Variants in MYO1E observed in about 807,000 individuals in gnomAD.
MYO1E encodes the protein unconventional myosin-Ie.
A neutral mutation model predicts 151.1 loss-of-function variants in MYO1E; 68 were observed. The ratio of observed to expected loss-of-function variants is 0.45; its 90% CI spans 0.37 to 0.55. The LOEUF (loss-of-function observed/expected upper bound fraction) is 0.55. MYO1E is among the 20% of genes least tolerant of loss of function. MYO1E has a pLI of 0.00. For synonymous variants in MYO1E, 601 were observed against 501.7 expected (o/e 1.20, Z -2.64); for missense variants, 1,363 against 1,389.3 (o/e 0.98, Z 0.30).
chr15:59,274,097 G>T (rs1002604490), intron 1 of MYO1E, among the ~76,000 whole-genome samples: 1 of 151,930 alleles, frequency 6.6e-6, no homozygotes, highest in Admixed American at 6.6e-5. Context: ...TTTGCTAAGA[G>T]CAAGTTCTAA....
chr15:59,246,714 A>T (rs2080132306), intron 4 of MYO1E, among the ~76,000 whole-genome samples: 1 of 152,178 alleles, frequency 6.6e-6, no homozygotes, highest in South Asian at 2.1e-4. Context: ...AGAACCATGA[A>T]AAGAAGGGGA....
intron 1 of MYO1E, among the ~76,000 whole-genome samples, chr15:59,351,816 G>C (rs2140435223): frequency 6.6e-6 from 1 of 152,226 alleles, no homozygotes; most frequent in Middle Eastern, 3.4e-3. Flanking sequence ...AGATGCCTGG[G>C]GGAATTCTAA....
At chr15:59,170,427 A>G (rs1360206712) in intron 22 of MYO1E, among the ~76,000 whole-genome samples, 1 of 152,156 alleles carries the variant, frequency 6.6e-6, no homozygotes, top group African/African-American at 2.4e-5. Context: ...TGCAATGACA[A>G]ACAAAGCAGG....
chr15:59,187,240 C>T (rs1180581340), intron 18 of MYO1E, among the ~76,000 whole-genome samples: 1 of 152,082 alleles, frequency 6.6e-6, no homozygotes, highest in Non-Finnish European at 1.5e-5. Flanking sequence ...TATTACAATG[C>T]AATGATAAAA....
chr15:59,236,495 C>G (rs1359139633), intron 5 of MYO1E, 90 bp downstream of exon 5: 5 of 1,110,110 alleles, frequency 4.5e-6, no homozygotes, highest in Middle Eastern at 2.0e-4. Context: ...AGTGTCTTTT[C>G]TGTGGAAGAA....
chr15:59,202,227 C>A (rs1354183810), intron 16 of MYO1E, 99 bp downstream of exon 16: 9 of 1,008,280 alleles, frequency 8.9e-6, no homozygotes, highest in Non-Finnish European at 1.4e-5. Context: ...CACCTCCTCA[C>A]GTCTCACTGA....
Position 59,182,365 on chromosome 15 carries a change from A to C in MYO1E, c.1905-3828T>G, listed in dbSNP as rs533409884. Among the ~76,000 whole-genome samples, 58 of 152,228 alleles carry C rather than the reference A, an allele frequency of 3.8e-4. No individual in the cohort carries two copies. In the South Asian group the frequency reaches 9.1e-3, roughly 24 times the overall value. ...GTAGCTGGGACTACAGGCACCCGGC[A>C]CCATGCCTGGCTAATTTTTGTATTT... On this transcript the variant is annotated intron_variant, in intron 18 of 27. Coordinates refer to ENST00000288235, the MANE Select transcript of MYO1E (RefSeq NM_004998.4).
chr15:59,191,558 G>A (rs1360134199), intron 17 of MYO1E, among the ~76,000 whole-genome samples: 4 of 151,926 alleles, frequency 2.6e-5, no homozygotes, highest in Non-Finnish European at 4.4e-5. Flanking sequence ...CCAAGCTTTC[G>A]AGGCAGGGAA....
intron 4 of MYO1E, among the ~76,000 whole-genome samples, chr15:59,252,918 G>C (rs1232443822): frequency 6.6e-6 from 1 of 152,078 alleles, no homozygotes; most frequent in African/African-American, 2.4e-5. Flanking sequence ...AAAAAGAAAA[G>C]AACCAAGGCC....
At chr15:59,327,325 CTTT>C (rs67680356) in intron 1 of MYO1E, among the ~76,000 whole-genome samples, 1 of 146,708 alleles carries the variant, frequency 6.8e-6, no homozygotes, top group Non-Finnish European at 1.5e-5. Context: ...GTACATTTTT[CTTT>C]TTTTTTTTTT....
intron 1 of MYO1E, among the ~76,000 whole-genome samples, chr15:59,284,648 T>G (rs1410052148): frequency 2.0e-5 from 3 of 151,290 alleles, no homozygotes; most frequent in African/African-American, 7.3e-5. Context: ...AAAATTTTTT[T>G]TTTTTTTGTA....
chr15:59,214,685 T>C lies in MYO1E; in HGVS notation c.1143A>G (p.Glu381=). Residue 381 remains glutamate (E), a synonymous_variant, in exon 11 of 28, where the codon GAA becomes GAG. Transcript: ENST00000288235. The part of the protein sequence containing the change: ...INKAMEKDHE[E]YNIGVLDIYG... ...AGATGTCTAGGACGCCAATGTTGTA[T>C]TCTTCATGGTCTTTCTCCATGGCTT... 2 of 1,613,958 alleles carry C rather than the reference T, an allele frequency of 1.2e-6. No individual in the cohort carries two copies. Among genetic ancestry groups the C allele is most frequent in the Non-Finnish European group, 1.7e-6 (2 of 1,179,806 alleles).
chr15:59,174,636 G>A lies in MYO1E; in HGVS notation c.2050-396C>T, dbSNP rs1320823515. Among the ~76,000 whole-genome samples, 7 of 152,048 alleles carry A rather than the reference G, an allele frequency of 4.6e-5. No homozygotes were observed. In the South Asian group the frequency reaches 8.3e-4, roughly 18 times the overall value. On this transcript the variant is annotated intron_variant, in intron 19 of 27. Coordinates refer to ENST00000288235, the MANE Select transcript of MYO1E (RefSeq NM_004998.4). ...GTGGAGGCTGTTGCTGTTGTTTGGCGCGGCACTTCTGCATGCAGCCTCTAA... is the reference window on the plus strand; with the variant it reads ...GTGGAGGCTGTTGCTGTTGTTTGGCACGGCACTTCTGCATGCAGCCTCTAA...
In MYO1E at chr15:59,309,946, G is replaced by C; in HGVS notation, c.4-37497C>G. ...CTTCCTCCCACTACATCAGATCTTA[G>C]TGGTTCTCCTTCAGACCCACCCCTC... On this transcript the variant is annotated intron_variant, in intron 1 of 27. Transcript: ENST00000288235. 1.3e-5 allele frequency among the ~76,000 whole-genome samples: 2 copies of C among 152,090 alleles called. 1 individual carries two copies. Among genetic ancestry groups the C allele is most frequent in the Non-Finnish European group, 2.9e-5 (2 of 68,006 alleles).
At chr15:59,267,548 A>C (rs1435973812) in intron 2 of MYO1E, among the ~76,000 whole-genome samples, 1 of 152,122 alleles carries the variant, frequency 6.6e-6, no homozygotes, top group Non-Finnish European at 1.5e-5. Flanking sequence ...CAAGGGCCAG[A>C]CCTCACTCGG....
At chr15:59,255,082 T>A (rs2080186334) in intron 4 of MYO1E, among the ~76,000 whole-genome samples, 1 of 152,088 alleles carries the variant, frequency 6.6e-6, no homozygotes, top group Non-Finnish European at 1.5e-5. Context: ...TGTCTCAGCC[T>A]CCACTAAGGT....
At chr15:59,336,673 C>T (rs1399045729) in intron 1 of MYO1E, among the ~76,000 whole-genome samples, 1 of 151,948 alleles carries the variant, frequency 6.6e-6, no homozygotes, top group Non-Finnish European at 1.5e-5. Flanking sequence ...CATAGGTATA[C>T]ACGTGCCATG....
At chr15:59,216,146 G>A (rs549363586) in intron 10 of MYO1E, among the ~76,000 whole-genome samples, 73 of 152,184 alleles carry the variant, frequency 4.8e-4, no homozygotes, top group African/African-American at 1.7e-3. Context: ...CAGATCTTTT[G>A]GATTGAATGG....
chr15:59,231,906 C>T (rs1262362912), intron 5 of MYO1E, 115 bp from the exon 6 acceptor site: 1 of 935,654 alleles, frequency 1.1e-6, no homozygotes, highest in Non-Finnish European at 1.7e-6. Flanking sequence ...GGGCCCCACA[C>T]CCGTGTGTCA....
Sources: gnomAD v4.1 joint callset for allele counts (sites outside exome capture counted in the v4.1 genomes callset) on GRCh38, gnomAD v4.1.1 for gene constraint, MANE v1.5 for transcripts, NCBI Gene and HGNC (gene_info 2026-07-23, HGNC 2026-07-21) for gene names.